DNAJC24: variants seen among roughly 807,000 people sequenced by gnomAD.
DNAJC24 encodes DnaJ heat shock protein family (Hsp40) member C24.
Under a neutral mutation model 18.0 loss-of-function variants are expected in DNAJC24, and 17 were observed. The observed-to-expected ratio is 0.94, with a 90% CI of 0.65 to 1.42. DNAJC24 has a LOEUF of 1.42. Among genes scored for constraint, DNAJC24 ranks in the 40% most tolerant of loss-of-function variants. The pLI, the probability that DNAJC24 is intolerant of heterozygous loss-of-function variation, is 0.00. For synonymous variants in DNAJC24, 55 were observed against 57.7 expected (o/e 0.95, Z 0.21); for missense variants, 158 against 175.6 (o/e 0.90, Z 0.57).
chr11:31,394,313 G>A (rs144554060), intron 2 of DNAJC24, among the ~76,000 whole-genome samples: 1 of 152,314 alleles, frequency 6.6e-6, no homozygotes, highest in Non-Finnish European at 1.5e-5. Context: ...CTTAATTTCA[G>A]CTGGGAATAT....
chr11:31,370,920 C>A, intron 2 of DNAJC24, 61 bp downstream of exon 2: 3 of 1,082,012 alleles, frequency 2.8e-6, no homozygotes, highest in South Asian at 1.5e-5. Context: ...TTATATGAAA[C>A]CACAAATTTA....
At chr11:31,418,777 C>T (rs1952776152) in intron 3 of DNAJC24, among the ~76,000 whole-genome samples, 1 of 152,042 alleles carries the variant, frequency 6.6e-6, no homozygotes, top group Non-Finnish European at 1.5e-5. Context: ...AGCTAATCAG[C>T]TACTCTGCTT....
chr11:31,371,188 A>G (rs779411614), intron 2 of DNAJC24, among the ~76,000 whole-genome samples: 2 of 152,226 alleles, frequency 1.3e-5, no homozygotes, highest in Non-Finnish European at 2.9e-5. Flanking sequence ...AAGTGTTGTT[A>G]CATAATAAAC....
At chr11:31,371,778 C>A (rs909882200) in intron 2 of DNAJC24, among the ~76,000 whole-genome samples, 7 of 142,320 alleles carry the variant, frequency 4.9e-5, no homozygotes, top group Non-Finnish European at 1.1e-4. Flanking sequence ...TTGGGTAATG[C>A]TGATTTAGAC....
At chr11:31,411,594 T>C (rs1241761710) in intron 2 of DNAJC24, among the ~76,000 whole-genome samples, 1 of 152,170 alleles carries the variant, frequency 6.6e-6, no homozygotes, top group East Asian at 1.9e-4. Context: ...GCCACTTCAC[T>C]CCAGTCTTCA....
chr11:31,390,232 C>G (rs1183593460), intron 2 of DNAJC24, among the ~76,000 whole-genome samples: 1 of 151,880 alleles, frequency 6.6e-6, no homozygotes, highest in East Asian at 1.9e-4. Context: ...CCTGTCTCTA[C>G]TAAATATACA....
At chr11:31,406,013 C>T (rs1952654504) in intron 2 of DNAJC24, among the ~76,000 whole-genome samples, 1 of 152,182 alleles carries the variant, frequency 6.6e-6, no homozygotes, top group South Asian at 2.1e-4. Context: ...CTGAAAGGTA[C>T]TACCTCCTAG....
At chr11:31,414,484 T>C (rs1384445788) in intron 2 of DNAJC24, among the ~76,000 whole-genome samples, 1 of 152,202 alleles carries the variant, frequency 6.6e-6, no homozygotes, top group Non-Finnish European at 1.5e-5. Context: ...GTCCTGCTTG[T>C]CTGCACGTAC....
At chr11:31,405,132 T>A (rs59225027) in intron 2 of DNAJC24, among the ~76,000 whole-genome samples, 3,054 of 149,716 alleles carry the variant, frequency 0.02, 94 homozygotes, top group African/African-American at 0.07. Flanking sequence ...TGCAGTGGTG[T>A]GACCTCAGCT....
At chr11:31,373,893 G>T (rs1484445717) in intron 2 of DNAJC24, among the ~76,000 whole-genome samples, 1 of 134,686 alleles carries the variant, frequency 7.4e-6, no homozygotes, top group Admixed American at 7.6e-5. Context: ...TTTTTCACTT[G>T]TTGATTGATA....
At chr11:31,373,178 G>A (rs1180843718) in intron 2 of DNAJC24, among the ~76,000 whole-genome samples, 2 of 133,890 alleles carry the variant, frequency 1.5e-5, no homozygotes, top group African/African-American at 2.5e-5. Context: ...AGAGTTTTTT[G>A]TTTTGACAAA....
intron 3 of DNAJC24, chr11:31,422,144 C>G: frequency 4.3e-6 from 1 of 230,688 alleles, no homozygotes; most frequent in Non-Finnish European, 8.8e-6. Flanking sequence ...TAAGCACATA[C>G]ATTATTTGAT....
intron 2 of DNAJC24, among the ~76,000 whole-genome samples, chr11:31,394,928 G>A (rs1439629931): frequency 1.3e-5 from 2 of 152,134 alleles, no homozygotes; most frequent in Admixed American, 6.5e-5. Flanking sequence ...ATTATTGCAG[G>A]TTACATTGCA....
Position 31,399,416 on chromosome 11 carries a change from T to C in DNAJC24, c.112-15395T>C, listed in dbSNP as rs191172876. ...CTGCAGATCTATCTCTTAATTCTCT[T>C]TTTTTTTTTTTTTTTTGAGACGGAG... On this transcript the variant is annotated intron_variant, in intron 2 of 4. Coordinates refer to ENST00000465995, the MANE Select transcript of DNAJC24 (RefSeq NM_181706.5). Among the ~76,000 whole-genome samples, 1,381 of 144,946 alleles carry C rather than the reference T, an allele frequency of 9.5e-3. 9 individuals are homozygous for C. Among genetic ancestry groups the C allele is most frequent in the African/African-American group, 0.022 (861 of 39,908 alleles).
rs539011793 is a variant in DNAJC24 at position 31,388,375 on chromosome 11, A to G, written c.111+17516A>G. 2.0e-4 allele frequency among the ~76,000 whole-genome samples: 30 copies of G among 152,346 alleles called. No homozygotes were observed. In the South Asian group the frequency reaches 5.4e-3, roughly 27 times the overall value. On this transcript the variant is annotated intron_variant, in intron 2 of 4. Coordinates refer to ENST00000465995, the MANE Select transcript of DNAJC24 (RefSeq NM_181706.5). ...AGGATCCTAAAAGCAGCAAGAGAAAAGAATCAAATAGCATGCAAAGGAGCT... is the reference window on the plus strand; with the variant it reads ...AGGATCCTAAAAGCAGCAAGAGAAAGGAATCAAATAGCATGCAAAGGAGCT...
intron 2 of DNAJC24, among the ~76,000 whole-genome samples, chr11:31,372,192 A>C (rs997859503): frequency 2.0e-5 from 3 of 151,850 alleles, no homozygotes; most frequent in African/African-American, 7.3e-5. Context: ...TCATTTTTTC[A>C]ATCTGTATTG....
At chr11:31,413,195 T>C (rs1486002448) in intron 2 of DNAJC24, among the ~76,000 whole-genome samples, 1 of 152,066 alleles carries the variant, frequency 6.6e-6, no homozygotes, top group Non-Finnish European at 1.5e-5. Context: ...TACTTGCCTG[T>C]TTATTGTAAA....
chr11:31,397,477 AT>A (rs3071550), intron 2 of DNAJC24, among the ~76,000 whole-genome samples: 3,506 of 144,240 alleles, frequency 0.024, 66 homozygotes, highest in East Asian at 0.073. Context: ...TACCTTTGTG[AT>A]TTTTTTTTTT....
Position 31,432,553 on chromosome 11 carries a change from C to G in DNAJC24, c.*2152C>G. On this transcript the variant is annotated 3_prime_UTR_variant, in exon 5 of 5. Transcript: ENST00000465995. ...GGGCTGGCACGTAAAAATCCAAAAT[C>G]ACTCAGAGGCCAAATCTGTAAAATC... 2 of 1,611,816 alleles carry G rather than the reference C, an allele frequency of 1.2e-6. No individual in the cohort carries two copies. The highest frequency in any genetic ancestry group is 1.7e-6 in the Non-Finnish European group (2 of 1,178,074).
Sources: gnomAD v4.1 joint callset for allele counts (sites outside exome capture counted in the v4.1 genomes callset) on GRCh38, gnomAD v4.1.1 for gene constraint, MANE v1.5 for transcripts, NCBI Gene and HGNC (gene_info 2026-07-23, HGNC 2026-07-21) for gene names.